Variants in PWWP2A observed in about 807,000 individuals in gnomAD.
PWWP2A encodes the protein PWWP domain containing 2A.
PWWP2A carries 18 observed loss-of-function variants against 48.5 expected under a neutral mutation model. The ratio of observed to expected loss-of-function variants is 0.37; its 90% confidence interval spans 0.26 to 0.55. The LOEUF (loss-of-function observed/expected upper bound fraction) is 0.55. PWWP2A is among the 20% of genes least tolerant of loss of function. PWWP2A has a pLI of 0.81. For missense variants in PWWP2A, 867 were observed against 976.4 expected (o/e 0.89, Z 1.49); for synonymous variants, 396 against 387.7 (o/e 1.02, Z -0.25).
intron 1 of PWWP2A, among the ~76,000 whole-genome samples, chr5:160,114,453 T>A (rs1757896632): frequency 7.0e-6 from 1 of 143,634 alleles, no homozygotes. Flanking sequence ...AGAGCGAGAC[T>A]GTCTCAAAAA....
At chr5:160,086,172 A>G (rs188588737) in intron 2 of PWWP2A, among the ~76,000 whole-genome samples, 16 of 152,260 alleles carry the variant, frequency 1.1e-4, no homozygotes. Context: ...TTAAATAATG[A>G]CTGTTCTCAA....
chr5:160,090,233 C>T, downstream of PWWP2A: 2 of 985,126 alleles, frequency 2.0e-6, no homozygotes, highest in African/African-American at 1.7e-5. Context: ...TATGCCACAA[C>T]AGCACATTTA....
chr5:160,060,498 A>C (rs998713463), downstream of PWWP2A, among the ~76,000 whole-genome samples: 3 of 152,354 alleles, frequency 2.0e-5, no homozygotes, highest in East Asian at 3.9e-4. Flanking sequence ...ACATGTGGAC[A>C]TATTCAGGCT....
At position 160,078,005 on chromosome 5, in the gene PWWP2A, T is replaced by C; in HGVS notation, c.*150A>G. The C allele has an allele frequency of 1.6e-6, 1 of 622,026 alleles. No individual in the cohort carries two copies. The highest frequency in any genetic ancestry group is 2.9e-6 in the Non-Finnish European group (1 of 348,758). The allele number at this position is 622,026 out of a possible 1,614,324, so 38.5% of individuals were successfully genotyped here. ...TTTCTTCGGTTTAAGACAGCACAATTTGCAAGTGCCCCTTTATAGACTGTT... is the reference window on the plus strand; with the variant it reads ...TTTCTTCGGTTTAAGACAGCACAATCTGCAAGTGCCCCTTTATAGACTGTT... On this transcript the variant is annotated 3_prime_UTR_variant, in exon 4 of 4. Transcript: ENST00000456329. This position sits in a 1 kb window ranked among gnomAD's most constrained non-coding sequence, Gnocchi z 4.2.
At chr5:160,052,191 A>G in the PWWP2A span, among the ~76,000 whole-genome samples, 1 of 152,140 alleles carries the variant, frequency 6.6e-6, no homozygotes, top group Admixed American at 6.5e-5. Context: ...GGGATGGGGG[A>G]GCTTTTCCCC....
intron 2 of PWWP2A, among the ~76,000 whole-genome samples, chr5:160,069,692 C>T (rs1400052910): frequency 1.3e-5 from 2 of 152,120 alleles, no homozygotes; most frequent in African/African-American, 4.8e-5. Context: ...AGCGAAACCC[C>T]ATCTCTATAA....
At chr5:160,111,979 T>G (rs1468001461) in intron 1 of PWWP2A, among the ~76,000 whole-genome samples, 1 of 151,674 alleles carries the variant, frequency 6.6e-6, no homozygotes, top group African/African-American at 2.4e-5. Context: ...TGACGCAAAT[T>G]AGCCAGGCAT....
chr5:160,111,509 T>A (rs1581270815), intron 1 of PWWP2A, among the ~76,000 whole-genome samples: 1 of 151,692 alleles, frequency 6.6e-6, no homozygotes, highest in South Asian at 2.1e-4. Context: ...CGGCATGAGA[T>A]TCTAGTCCCA....
At chr5:160,066,295 C>CTTTTTTTT (rs748083955) in intron 4 of PWWP2A, among the ~76,000 whole-genome samples, 8 of 57,988 alleles carry the variant, frequency 1.4e-4, no homozygotes, top group African/African-American at 3.4e-4. Context: ...AAGTGGTTCT[C>CTTTTTTTT]ATTTTTTTTT....
At chr5:160,075,234 A>G (rs979278329), downstream of PWWP2A, among the ~76,000 whole-genome samples, 1 of 152,198 alleles carries the variant, frequency 6.6e-6, no homozygotes, top group East Asian at 1.9e-4. Flanking sequence ...ATATTAGCAG[A>G]GCCAGATTCC....
chr5:160,118,855 G>T lies in PWWP2A; in HGVS notation c.534C>A (p.Phe178Leu). ...CGGAGAAGAGCTTCTCCCCGAAGCG[G>T]AACGACACGACAAGCGCGTCCTCAA... Reference protein sequence around the residue: ...HIIEDALVVSFRFGEKLFSGV... With the variant: ...HIIEDALVVSLRFGEKLFSGV... The change falls in exon 1 of 2, where the codon TTC becomes TTA. Residue 178 changes from phenylalanine to leucine, a missense_variant. Physicochemically the swap from Phe to Leu is conservative, Grantham distance 22. Transcript: ENST00000307063. The T allele has an allele frequency of 6.3e-7, 1 of 1,590,248 alleles. No individual in the cohort carries two copies. Among genetic ancestry groups the T allele is most frequent in the East Asian group, 2.4e-5 (1 of 42,284 alleles).
chr5:160,102,036 G>C (rs191988617), intron 1 of PWWP2A, among the ~76,000 whole-genome samples: 3 of 151,658 alleles, frequency 2.0e-5, no homozygotes, highest in Non-Finnish European at 4.4e-5. Context: ...CTTGAATCCA[G>C]GAGGCAGAGG....
At chr5:160,058,765 C>A (rs1166585479), downstream of PWWP2A, among the ~76,000 whole-genome samples, 2 of 152,122 alleles carry the variant, frequency 1.3e-5, no homozygotes, top group African/African-American at 4.8e-5. Flanking sequence ...ACTCCTTGAT[C>A]TGTGGGCTGT....
intron 2 of PWWP2A, among the ~76,000 whole-genome samples, chr5:160,069,906 C>T (rs530266968): frequency 2.0e-5 from 3 of 152,340 alleles, no homozygotes; most frequent in African/African-American, 7.2e-5. Flanking sequence ...GTTTCAGTCT[C>T]CTCACCTCCA....
intron 1 of PWWP2A, among the ~76,000 whole-genome samples, chr5:160,097,627 T>G (rs1478913634): frequency 7.1e-6 from 1 of 141,668 alleles, no homozygotes; most frequent in African/African-American, 2.6e-5. Flanking sequence ...AGACTCCGTC[T>G]CAAATAACAT....
downstream of PWWP2A, chr5:160,061,766 T>A (rs1294136416): frequency 2.0e-5 from 3 of 152,312 alleles, no homozygotes; most frequent in East Asian, 5.8e-4. Flanking sequence ...TATGTGTTAG[T>A]TTGGGTCATC....
chr5:160,073,840 G>A (rs1303228102), downstream of PWWP2A, among the ~76,000 whole-genome samples: 6 of 151,944 alleles, frequency 3.9e-5, no homozygotes, highest in Non-Finnish European at 7.4e-5. Flanking sequence ...CAAAGCGGGT[G>A]GATCACTTGA....
chr5:160,092,578 GCCT>G lies in PWWP2A; in HGVS notation c.2069_2071del (p.Glu690del). ...TGGAGACCCAAACCATGAAATACGGGCCTCCTGTCGGACTAAAAGGCCGTTATC... is the reference window on the plus strand; with the variant it reads ...TGGAGACCCAAACCATGAAATACGGGCCTGTCGGACTAAAAGGCCGTTATC... On this transcript the variant is annotated inframe_deletion, in exon 2 of 2. Transcript: ENST00000307063. 5.2e-6 allele frequency: 8 copies of G among 1,551,608 alleles called. No homozygotes were observed. Among genetic ancestry groups the G allele is most frequent in the Non-Finnish European group, 7.0e-6 (8 of 1,146,964 alleles).
intron 4 of PWWP2A, chr5:160,065,318 A>G (rs955013666): frequency 1.6e-5 from 10 of 610,524 alleles, no homozygotes; most frequent in Non-Finnish European, 2.7e-5. Context: ...TGGCTGTCCT[A>G]TGTCCAGGAA....
Sources: gnomAD v4.1 joint callset for allele counts (sites outside exome capture counted in the v4.1 genomes callset) on GRCh38, gnomAD v4.1.1 for gene constraint, Gnocchi (gnomAD v3.1) non-coding constraint, MANE v1.5 for transcripts, NCBI Gene and HGNC (gene_info 2026-07-23, HGNC 2026-07-21) for gene names.